Variants in RHOH observed in about 807,000 individuals in gnomAD.
RHOH encodes the protein ras homolog family member H.
RHOH carries 6 observed loss-of-function variants against 13.8 expected under a neutral mutation model. That is an observed-to-expected ratio of 0.44 (90% CI 0.24 to 0.86). The LOEUF (loss-of-function observed/expected upper bound fraction) is 0.86. Among genes scored for constraint, RHOH ranks in the 40% least tolerant of loss-of-function variants. The probability of loss-of-function intolerance (pLI) is 0.24; values close to 1 mark genes in which losing one functional copy is unlikely to be tolerated. For missense variants in RHOH, 147 were observed against 244.5 expected, an observed-to-expected ratio of 0.60 and a Z score of 2.66; for synonymous variants, 117 against 103.0, an observed-to-expected ratio of 1.14 and a Z score of -0.82.
In RHOH at chr4:40,218,680, T is replaced by C. The variant is rs560116703; in HGVS notation, c.-331+21380T>C. ...GTTCAAATCTGCTCTCAAGGCAGCA[T>C]GTGATATTGATGGTTCACAGAAACA... On this transcript the variant is annotated intron_variant, in intron 1 of 2. Coordinates refer to ENST00000381799, the MANE Select transcript of RHOH (RefSeq NM_004310.5). This position sits in a 1 kb window ranked among gnomAD's most constrained non-coding sequence, Gnocchi z 4.1. 6.6e-6 allele frequency among the ~76,000 whole-genome samples: 1 copy of C among 152,336 alleles called. No individual in the cohort carries two copies. Among genetic ancestry groups the C allele is most frequent in the African/African-American group, 2.4e-5 (1 of 41,588 alleles).
chr4:40,199,998 G>A (rs1304225447), intron 1 of RHOH, among the ~76,000 whole-genome samples: 1 of 152,188 alleles, frequency 6.6e-6, no homozygotes, highest in African/African-American at 2.4e-5. Context: ...TCCTTCTAGA[G>A]TCCCACTGGT....
Position 40,244,088 on chromosome 4 carries a change from A to G in RHOH, c.*126A>G, listed in dbSNP as rs1400202892. ...CACCCCAAGCAGCGTCTCCTTTTGG[A>G]TACAGTTATTGATGAGGCTTGGCCA... On this transcript the variant is annotated 3_prime_UTR_variant, in exon 3 of 3. Transcript: ENST00000381799. The G allele has an allele frequency of 2.7e-6, 2 of 743,226 alleles. No homozygotes were observed. The highest frequency in any genetic ancestry group is 4.0e-5 in the South Asian group (2 of 50,198). 46.0% of individuals were successfully genotyped at this position (743,226 alleles called of 1,614,324 possible).
At chr4:40,226,649 C>T (rs951290732) in intron 1 of RHOH, among the ~76,000 whole-genome samples, 1 of 152,110 alleles carries the variant, frequency 6.6e-6, no homozygotes, top group African/African-American at 2.4e-5. Context: ...AAAACTAAAT[C>T]ACCTCACTCC....
chr4:40,199,802 A>T (rs544711392), intron 1 of RHOH, among the ~76,000 whole-genome samples: 1 of 152,268 alleles, frequency 6.6e-6, no homozygotes, highest in East Asian at 1.9e-4. Flanking sequence ...TGGGTTTGGG[A>T]TGCTTGGATC....
intron 1 of RHOH, among the ~76,000 whole-genome samples, chr4:40,201,254 C>G (rs943548576): frequency 7.9e-5 from 12 of 151,882 alleles, no homozygotes; most frequent in African/African-American, 2.9e-4. Flanking sequence ...TCACTCTATC[C>G]CCCCCTTTTT....
chr4:40,239,711 T>C (rs1729017681), intron 1 of RHOH, among the ~76,000 whole-genome samples: 2 of 151,992 alleles, frequency 1.3e-5, no homozygotes, highest in Admixed American at 1.3e-4. Context: ...AAACCCCATC[T>C]CCACTAAAAA....
intron 1 of RHOH, chr4:40,209,680 T>A (rs1320214): frequency 0.17 from 26,343 of 152,128 alleles, 2,611 homozygotes; most frequent in East Asian, 0.38. Flanking sequence ...TCTTCAAGCA[T>A]ATTCACCCAC....
At chr4:40,195,906 G>T (rs749836253), upstream of RHOH, among the ~76,000 whole-genome samples, 3 of 152,188 alleles carry the variant, frequency 2.0e-5, no homozygotes, top group Non-Finnish European at 4.4e-5. Flanking sequence ...TGATAAGAAT[G>T]CTCACCTTGT....
At chr4:40,201,768 T>A (rs1181616682) in intron 1 of RHOH, among the ~76,000 whole-genome samples, 1 of 152,148 alleles carries the variant, frequency 6.6e-6, no homozygotes, top group Non-Finnish European at 1.5e-5. Flanking sequence ...CAAGAGCCAT[T>A]AAAGTGTTCA....
At chr4:40,204,872 T>C (rs1230413614) in intron 1 of RHOH, among the ~76,000 whole-genome samples, 1 of 152,246 alleles carries the variant, frequency 6.6e-6, no homozygotes, top group African/African-American at 2.4e-5. Flanking sequence ...AATTCTCTCA[T>C]GTGAAGCCAG....
rs1260610583 is a variant in RHOH, at chr4:40,246,214, A to C, written c.*2252A>C. On this transcript the variant is annotated 3_prime_UTR_variant, in exon 3 of 3. Coordinates refer to ENST00000381799, the MANE Select transcript of RHOH (RefSeq NM_004310.5). ...GAGAGGTATTTAACATGTCAGTGGG[A>C]AGGAATTTCTATTCACTGCAGTGGG... 2 of 152,180 alleles carry C rather than the reference A, an allele frequency of 1.3e-5. No individual in the cohort carries two copies. Among genetic ancestry groups the C allele is most frequent in the Non-Finnish European group, 2.9e-5 (2 of 68,042 alleles). The allele number at this position is 152,180 out of a possible 1,614,324, so 9.4% of individuals were successfully genotyped here. A position where few individuals can be genotyped will look rare whatever the true frequency, so the allele number is the denominator to read the frequency against.
Position 40,244,795 on chromosome 4 carries a change from C to A in RHOH, c.*833C>A, listed in dbSNP as rs1340228116. The A allele has an allele frequency of 1.1e-5, 2 of 176,794 alleles. No individual in the cohort carries two copies. Among genetic ancestry groups the A allele is most frequent in the Non-Finnish European group, 2.4e-5 (2 of 82,152 alleles). 11.0% of individuals were successfully genotyped at this position (176,794 alleles called of 1,614,324 possible). Reference sequence around the variant, plus strand: ...ATGGCAACAGAACTTGGAACAGAAGCAAGAGAGTGTCACTTTCACTTCTGG... The same window carrying A: ...ATGGCAACAGAACTTGGAACAGAAGAAAGAGAGTGTCACTTTCACTTCTGG... On this transcript the variant is annotated 3_prime_UTR_variant, in exon 3 of 3. Coordinates refer to ENST00000381799, the MANE Select transcript of RHOH (RefSeq NM_004310.5).
chr4:40,197,858 T>A (rs769312779), intron 1 of RHOH, among the ~76,000 whole-genome samples: 1 of 152,200 alleles, frequency 6.6e-6, no homozygotes, highest in Admixed American at 6.5e-5. Flanking sequence ...TGGTTTGATT[T>A]GGAGATATGC....
At chr4:40,193,406 A>T (rs1722806773), upstream of RHOH, among the ~76,000 whole-genome samples, 1 of 147,998 alleles carries the variant, frequency 6.8e-6, no homozygotes. Context: ...GAATGTTTGC[A>T]TGTATTTTCA....
At chr4:40,225,203 C>G (rs1727075150) in intron 1 of RHOH, among the ~76,000 whole-genome samples, 1 of 152,114 alleles carries the variant, frequency 6.6e-6, no homozygotes, top group Admixed American at 6.5e-5. Flanking sequence ...CCTCCACCTC[C>G]CAGGTTCAAG....
At chr4:40,235,729 T>A (rs1370259324) in intron 1 of RHOH, among the ~76,000 whole-genome samples, 1 of 151,416 alleles carries the variant, frequency 6.6e-6, no homozygotes, top group African/African-American at 2.4e-5. Flanking sequence ...ATCCCAGCAC[T>A]TTGGGAGGCT....
In RHOH at chr4:40,235,981, TAAAGAAAAAAAAAA is replaced by T. The variant is rs773044643; in HGVS notation, c.-330-6718_-330-6705del. 7.4e-3 allele frequency among the ~76,000 whole-genome samples: 838 copies of T among 112,540 alleles called. 21 individuals are homozygous for T. Among genetic ancestry groups the T allele is most frequent in the South Asian group, 0.054 (196 of 3,636 alleles). 73.8% of individuals were successfully genotyped at this position (112,540 alleles called of 152,430 possible). A position where few individuals can be genotyped will look rare whatever the true frequency, so the allele number is the denominator to read the frequency against. ...TGGCACACAGAGTAAGAGCCTGTCT[TAAAGAAAAAAAAAA>T]AAAGAAAAAAAAAAGGGGTGGCTAG... On this transcript the variant is annotated intron_variant, in intron 1 of 2. Transcript: ENST00000381799.
At chr4:40,221,213 C>G (rs1358144569) in intron 1 of RHOH, among the ~76,000 whole-genome samples, 1 of 152,164 alleles carries the variant, frequency 6.6e-6, no homozygotes, top group Non-Finnish European at 1.5e-5. Context: ...GGCCAATGTC[C>G]TTCTCGGCAA....
intron 1 of RHOH, among the ~76,000 whole-genome samples, chr4:40,201,285 A>C (rs1723952172): frequency 6.6e-6 from 1 of 150,988 alleles, no homozygotes; most frequent in Non-Finnish European, 1.5e-5. Flanking sequence ...GGTTTTATTC[A>C]TTATTTGCAT....
Sources: allele counts gnomAD v4.1 joint callset (sites outside exome capture counted in the v4.1 genomes callset), GRCh38; gene constraint gnomAD v4.1.1; non-coding constraint Gnocchi (gnomAD v3.1); transcripts MANE v1.5; gene names NCBI Gene and HGNC (gene_info 2026-07-23, HGNC 2026-07-21).